SNX10: variants seen among roughly 807,000 people sequenced by gnomAD.
SNX10 encodes sorting nexin 10, also known as sorting nexin-10.
SNX10 carries 25 observed loss-of-function variants against 28.5 expected under a neutral mutation model. That is an observed-to-expected ratio of 0.88 (90% CI 0.64 to 1.22). The LOEUF (loss-of-function observed/expected upper bound fraction) is 1.22, where lower values mean the gene tolerates loss of function less well. Ranked by LOEUF, SNX10 falls within the 50% of genes most tolerant of loss-of-function variation. SNX10 has a pLI of 0.00. For missense variants in SNX10, 223 were observed against 242.6 expected (o/e 0.92, Z 0.54); for synonymous variants, 62 against 81.4 (o/e 0.76, Z 1.28).
Position 26,365,106 on chromosome 7 carries a change from T to C in SNX10, c.272T>C (p.Val91Ala). ...TTCAACATGAACAATCGCCAGCACG[T>C]GGATCAGCGTCGCCAGGGTCTGGAA... ...LFFNMNNRQH[V>A]DQRRQGLEDF... The change falls in exon 5 of 7, where the codon GTG becomes GCG. Residue 91 changes from valine (V) to alanine (A), a missense_variant. Val to Ala is a moderately conservative substitution (Grantham distance 64). Coordinates refer to ENST00000338523, the MANE Select transcript of SNX10 (RefSeq NM_013322.3). 1 of 1,613,392 alleles carries C rather than the reference T, an allele frequency of 6.2e-7. No homozygotes were observed. Among genetic ancestry groups the C allele is most frequent in the Non-Finnish European group, 8.5e-7 (1 of 1,179,324 alleles).
intron 1 of SNX10, among the ~76,000 whole-genome samples, chr7:26,306,633 T>C (rs754347152): frequency 3.3e-5 from 5 of 152,074 alleles, no homozygotes; most frequent in Admixed American, 6.5e-5. Flanking sequence ...ACTCCTGGGC[T>C]CAAGTGATCC....
chr7:26,312,114 C>T (rs1172046286), intron 1 of SNX10, among the ~76,000 whole-genome samples: 1 of 152,116 alleles, frequency 6.6e-6, no homozygotes, highest in Non-Finnish European at 1.5e-5. Context: ...CATTATGGCC[C>T]ATAGCACATT....
At chr7:26,327,934 G>A (rs191722343) in intron 1 of SNX10, among the ~76,000 whole-genome samples, 2 of 151,646 alleles carry the variant, frequency 1.3e-5, no homozygotes, top group African/African-American at 2.4e-5. Flanking sequence ...GGGTTTCACC[G>A]TGTTAGCCAG....
intron 2 of SNX10, among the ~76,000 whole-genome samples, chr7:26,359,800 G>A (rs1461173130): frequency 6.6e-6 from 1 of 152,050 alleles, no homozygotes; most frequent in Admixed American, 6.6e-5. Flanking sequence ...TGGGACTACA[G>A]GCACACGCCA....
At chr7:26,326,839 T>C (rs1430890783) in intron 1 of SNX10, among the ~76,000 whole-genome samples, 1 of 152,208 alleles carries the variant, frequency 6.6e-6, no homozygotes, top group Non-Finnish European at 1.5e-5. Flanking sequence ...GTTCTGGGAT[T>C]ACAGGTGTGA....
intron 1 of SNX10, among the ~76,000 whole-genome samples, chr7:26,306,660 C>T (rs1024308435): frequency 6.6e-6 from 1 of 152,094 alleles, no homozygotes; most frequent in Non-Finnish European, 1.5e-5. Flanking sequence ...CTCAGCCTCC[C>T]AAAGCACTGG....
At chr7:26,359,391 G>A (rs185907529) in intron 2 of SNX10, among the ~76,000 whole-genome samples, 1 of 152,122 alleles carries the variant, frequency 6.6e-6, no homozygotes, top group East Asian at 1.9e-4. Context: ...GAAAGCCCCC[G>A]ATCTCTCTTT....
intron 1 of SNX10, among the ~76,000 whole-genome samples, chr7:26,320,345 A>G (rs1787262978): frequency 1.3e-5 from 2 of 152,118 alleles, no homozygotes; most frequent in African/African-American, 4.8e-5. Flanking sequence ...TGTACAAAGT[A>G]AAAAAATGAA....
rs972578729 is a variant in SNX10, at chr7:26,326,973, C to T, written c.-23-19447C>T. 3.5e-4 allele frequency among the ~76,000 whole-genome samples: 48 copies of T among 135,576 alleles called. No individual in the cohort carries two copies. In the East Asian group the frequency reaches 4.5e-3, roughly 13 times the overall value. 88.9% of individuals were successfully genotyped at this position (135,576 alleles called of 152,430 possible). A position where few individuals can be genotyped will look rare whatever the true frequency, so the allele number is the denominator to read the frequency against. On this transcript the variant is annotated intron_variant, in intron 1 of 6. Coordinates refer to ENST00000338523, the MANE Select transcript of SNX10 (RefSeq NM_013322.3). ...TCTTTTTTTTTTTTTTTTTTTGAGA[C>T]GGAGTCTCGCTCTGTCACCCAGGCT...
Position 26,365,157 on chromosome 7 carries a change from G to C in SNX10, c.311+12G>C. On this transcript the variant is annotated intron_variant, in intron 5 of 6. Transcript: ENST00000338523. ...GATTTCCTCAGAAAGTGAGTGTCCA[G>C]AAACTTTTGTGGCCAGACAAGGGGT... The C allele has an allele frequency of 1.3e-6, 2 of 1,553,292 alleles. No homozygotes were observed. Among genetic ancestry groups the C allele is most frequent in the Admixed American group, 1.7e-5 (1 of 59,900 alleles).
intron 1 of SNX10, among the ~76,000 whole-genome samples, chr7:26,312,148 C>A (rs182492033): frequency 4.9e-4 from 74 of 152,252 alleles, no homozygotes; most frequent in Non-Finnish European, 7.9e-4. Context: ...AATTCATGAC[C>A]ATGGAACAGA....
intron 1 of SNX10, among the ~76,000 whole-genome samples, chr7:26,317,193 A>G (rs1056253928): frequency 6.6e-6 from 1 of 152,202 alleles, no homozygotes; most frequent in African/African-American, 2.4e-5. Context: ...GAGGAAGATG[A>G]TGGTACAAGG....
chr7:26,353,460 T>TGGA (rs371699790), intron 2 of SNX10, among the ~76,000 whole-genome samples: 14 of 83,444 alleles, frequency 1.7e-4, no homozygotes, highest in East Asian at 3.5e-4. Context: ...TTTTTTTTTT[T>TGGA]GGTGGGGAGA....
chr7:26,372,106 GAT>G, intron 6 of SNX10, 73 bp downstream of exon 6: 2 of 939,318 alleles, frequency 2.1e-6, no homozygotes, highest in East Asian at 2.6e-5. Flanking sequence ...CACGTGTATA[GAT>G]ATATATACAC....
intron 1 of SNX10, among the ~76,000 whole-genome samples, chr7:26,341,849 C>G (rs1382665344): frequency 6.6e-6 from 1 of 151,864 alleles, no homozygotes; most frequent in African/African-American, 2.4e-5. Flanking sequence ...CTATACAAAC[C>G]TAAAATTTTC....
At chr7:26,338,633 T>C (rs1273248630) in intron 1 of SNX10, among the ~76,000 whole-genome samples, 1 of 152,190 alleles carries the variant, frequency 6.6e-6, no homozygotes, top group African/African-American at 2.4e-5. Flanking sequence ...CTCGATCTCC[T>C]GACCTCGTGA....
chr7:26,368,951 A>G (rs1007408756), intron 5 of SNX10, among the ~76,000 whole-genome samples: 6 of 152,172 alleles, frequency 3.9e-5, no homozygotes, highest in Non-Finnish European at 7.4e-5. Flanking sequence ...TTGCATAGCT[A>G]TATATTCTCA....
At position 26,329,198 on chromosome 7, in the gene SNX10, T is replaced by A. The variant is rs79875800; in HGVS notation, c.-23-17222T>A. Among the ~76,000 whole-genome samples the A allele has an allele frequency of 6.4e-3, 976 of 152,338 alleles. 10 individuals carry two copies. Among genetic ancestry groups the A allele is most frequent in the African/African-American group, 0.022 (930 of 41,580 alleles). On this transcript the variant is annotated intron_variant, in intron 1 of 6. Transcript: ENST00000338523. The stretch of plus-strand genomic sequence containing the variant: ...GTGTGACCCGGCCCACATCTCTCTT[T>A]CTGAGATCCTCTCCCTCATCCCCCA...
At chr7:26,356,175 A>C (rs1444749292) in intron 2 of SNX10, among the ~76,000 whole-genome samples, 1 of 152,220 alleles carries the variant, frequency 6.6e-6, no homozygotes, top group African/African-American at 2.4e-5. Context: ...TAACACAGGA[A>C]TTAGATCTTC....
Sources: gnomAD v4.1 joint callset for allele counts (sites outside exome capture counted in the v4.1 genomes callset) on GRCh38, gnomAD v4.1.1 for gene constraint, MANE v1.5 for transcripts, NCBI Gene and HGNC (gene_info 2026-07-23, HGNC 2026-07-21) for gene names.